DICER1: variants seen among roughly 807,000 people sequenced by gnomAD.
DICER1 encodes the protein endoribonuclease Dicer.
A neutral mutation model predicts 194.1 loss-of-function variants in DICER1; 43 were observed. That is an observed-to-expected ratio of 0.22 (90% CI 0.17 to 0.29). DICER1 has a LOEUF of 0.29. DICER1 is among the 10% of genes least tolerant of loss of function. The pLI is 1.00. For synonymous variants in DICER1, 832 were observed against 820.5 expected, an observed-to-expected ratio of 1.01 and a Z score of -0.24; for missense variants, 1,608 against 2,317.0, an observed-to-expected ratio of 0.69 and a Z score of 6.28.
At chr14:95,139,953 T>C (rs1894723175) in intron 1 of DICER1, among the ~76,000 whole-genome samples, 1 of 152,218 alleles carries the variant, frequency 6.6e-6, no homozygotes, top group Non-Finnish European at 1.5e-5. Flanking sequence ...CAACAGGTAA[T>C]CTGTAATATA....
chr14:95,120,669 G>A (rs28452618), intron 8 of DICER1, among the ~76,000 whole-genome samples: 4,226 of 152,256 alleles, frequency 0.028, 199 homozygotes, highest in African/African-American at 0.095. Flanking sequence ...GGCCACCGCT[G>A]CAACAATTTG....
intron 23 of DICER1, 193 bp downstream of exon 23, chr14:95,095,632 A>T: frequency 1.5e-6 from 1 of 667,968 alleles, no homozygotes; most frequent in South Asian, 1.7e-5. Context: ...CAACAACCAA[A>T]GTTATAAAGC....
Position 95,106,066 on chromosome 14 carries a change from G to A in DICER1, c.2962C>T (p.Leu988=), listed in dbSNP as rs1891391951. 6 of 1,614,086 alleles carry A rather than the reference G, an allele frequency of 3.7e-6. No homozygotes were observed. In the South Asian group the frequency reaches 5.5e-5, roughly 15 times the overall value. ...CTTGAAGATGTGTGGTCCACATCCA[G>A]CAGTGGCTGGTTGAGATTGGTTAGG... ...LDLTNLNQPL[L]DVDHTSSRLN... is the part of the protein sequence containing the mutation. The change falls in exon 18 of 27, where the codon CTG becomes TTG. Residue 988 remains leucine (L), a synonymous_variant. Transcript: ENST00000343455.
In DICER1 at chr14:95,130,161, T is replaced by C. The variant is rs1893833599; in HGVS notation, c.470A>G (p.Asn157Ser). ...VLIMTCYVAL[N>S]VLKNGYLSLS... ...TGATAAGTAACCATTTTTCAAAACATTCAAGGCGACATAGCAAGTCATAAT... is the reference window on the plus strand; with the variant it reads ...TGATAAGTAACCATTTTTCAAAACACTCAAGGCGACATAGCAAGTCATAAT... Residue 157 changes from asparagine (N) to serine (S), a missense_variant, in exon 5 of 27, where the codon AAT (asparagine) becomes AGT (serine). Around this residue, in one of 10 missense-constraint regions of DICER1, gnomAD observed 657 missense variants for 910.1 expected, o/e 0.72. Coordinates refer to ENST00000343455, the MANE Select transcript of DICER1 (RefSeq NM_177438.3). The C allele has an allele frequency of 6.2e-7, 1 of 1,613,270 alleles. No homozygotes were observed. The highest frequency in any genetic ancestry group is 8.5e-7 in the Non-Finnish European group (1 of 1,179,682).
Position 95,107,891 on chromosome 14 carries a change from G to A in DICER1, c.2639C>T (p.Pro880Leu), listed in dbSNP as rs1456764595. The change falls in exon 16 of 27, where the codon CCT (proline) becomes CTT (leucine). Residue 880 changes from proline to leucine, a missense_variant. Physicochemically the swap from Pro to Leu is moderately conservative, Grantham distance 98. Around this residue, in one of 10 missense-constraint regions of DICER1, gnomAD observed 150 missense variants for 216.0 expected, o/e 0.69. Coordinates refer to ENST00000343455, the MANE Select transcript of DICER1 (RefSeq NM_177438.3). ...GATTTTTTTCTTACCAACATTAAGA[G>A]GTAGAACACAGTATGCTGAATCAGC... ...TDADSAYCVL[P>L]LNVVNDSSTL... 1 of 1,613,710 alleles carries A rather than the reference G, an allele frequency of 6.2e-7. No homozygotes were observed. The highest frequency in any genetic ancestry group is 8.5e-7 in the Non-Finnish European group (1 of 1,179,664).
intron 24 of DICER1, 51 bp downstream of exon 24, chr14:95,093,835 CAG>C (rs530062648): frequency 2.4e-4 from 379 of 1,592,724 alleles, no homozygotes; most frequent in Middle Eastern, 5.0e-4. Flanking sequence ...TCTGAAACTA[CAG>C]AGACTCCTAG....
chr14:95,102,395 C>T (rs920597344), intron 21 of DICER1, among the ~76,000 whole-genome samples: 3 of 152,210 alleles, frequency 2.0e-5, no homozygotes, highest in African/African-American at 4.8e-5. Flanking sequence ...ATTCAAAACA[C>T]GTGCAAACTC....
In DICER1 at chr14:95,096,143, C is replaced by A. The variant is rs1060503644; in HGVS notation, c.4777G>T (p.Val1593Leu). The A allele has an allele frequency of 6.2e-7, 1 of 1,614,176 alleles. No homozygotes were observed. Among genetic ancestry groups the A allele is most frequent in the Admixed American group, 1.7e-5 (1 of 60,030 alleles). ...LCSLGLKVLP[V>L]IKRTDREKAL... ...TTTTCCCGATCAGTCCTTTTAATTA[C>A]CGGGAGCACCTTCAGCCCCAGTGAA... is the stretch of plus-strand genomic sequence containing the variant. The change falls in exon 23 of 27, where the codon GTA (valine) becomes TTA (leucine). Residue 1593 changes from valine (V) to leucine (L), a missense_variant. Val to Leu is a conservative substitution (Grantham distance 32). This residue lies in a region of DICER1 where 125 missense variants were observed against 134.9 expected (regional missense o/e 0.93). Transcript: ENST00000343455.
intron 6 of DICER1, among the ~76,000 whole-genome samples, chr14:95,127,761 C>T (rs1893601494): frequency 6.6e-6 from 1 of 152,234 alleles, no homozygotes; most frequent in South Asian, 2.1e-4. Flanking sequence ...AAGAAATGAC[C>T]ACAGGGGCTG....
At chr14:95,099,006 C>T (rs1890614410) in intron 22 of DICER1, among the ~76,000 whole-genome samples, 1 of 152,160 alleles carries the variant, frequency 6.6e-6, no homozygotes, top group African/African-American at 2.4e-5. Context: ...ACGGTATTAT[C>T]ATTGTTGGCC....
intron 1 of DICER1, chr14:95,134,643 T>C (rs1418976175): frequency 6.6e-6 from 1 of 152,206 alleles, no homozygotes. Flanking sequence ...TACAACACAA[T>C]ACTGAATTCT....
At chr14:95,148,562 T>G (rs1393678594) in intron 1 of DICER1, among the ~76,000 whole-genome samples, 1 of 152,254 alleles carries the variant, frequency 6.6e-6, no homozygotes, top group Non-Finnish European at 1.5e-5. Flanking sequence ...TCTGGGTTTC[T>G]CTAAATCTCT....
chr14:95,124,771 A>T lies in DICER1; in HGVS notation c.904-103T>A, dbSNP rs1046827279. 3 of 994,824 alleles carry T rather than the reference A, an allele frequency of 3.0e-6. No individual in the cohort carries two copies. The African/African-American group carries it at 4.9e-5, about 16-fold the overall frequency. 61.6% of individuals were successfully genotyped at this position (994,824 alleles called of 1,614,324 possible). On this transcript the variant is annotated intron_variant, in intron 7 of 26. Coordinates refer to ENST00000343455, the MANE Select transcript of DICER1 (RefSeq NM_177438.3). This position sits in a 1 kb window ranked among gnomAD's most constrained non-coding sequence, Gnocchi z 4.5. The stretch of plus-strand genomic sequence containing the variant: ...TTCAGTTGTTCTCAAATGGCTCCTT[A>T]AATGTAACCCAGCCTTAGGTTAAGT...
At position 95,096,112 on chromosome 14, in the gene DICER1, A is replaced by G. The variant is rs1464874776; in HGVS notation, c.4808T>C (p.Leu1603Pro). The G allele has an allele frequency of 1.2e-6, 2 of 1,614,248 alleles. No homozygotes were observed. Among genetic ancestry groups the G allele is most frequent in the East Asian group, 2.2e-5 (1 of 44,890 alleles). Residue 1603 changes from leucine to proline, a missense_variant, in exon 23 of 27, where the codon CTG becomes CCG. Coordinates refer to ENST00000343455, the MANE Select transcript of DICER1 (RefSeq NM_177438.3). ...VIKRTDREKA[L>P]CPTRENFNSQ... ...GTTGAAATTCTCCCGAGTAGGGCAC[A>G]GGGCCTTTTCCCGATCAGTCCTTTT... is the stretch of plus-strand genomic sequence containing the variant.
chr14:95,152,332 G>T (rs1385097414), intron 1 of DICER1, among the ~76,000 whole-genome samples: 1 of 152,202 alleles, frequency 6.6e-6, no homozygotes, highest in Non-Finnish European at 1.5e-5. Flanking sequence ...TCCAAAAGCA[G>T]AATAGTAATA....
intron 8 of DICER1, among the ~76,000 whole-genome samples, chr14:95,123,234 A>T (rs567275567): frequency 6.6e-6 from 1 of 152,360 alleles, no homozygotes. Context: ...ATTAGAAAAA[A>T]AATCTTTCAT....
intron 1 of DICER1, among the ~76,000 whole-genome samples, chr14:95,145,498 G>A (rs886655736): frequency 5.3e-5 from 8 of 151,746 alleles, no homozygotes; most frequent in Non-Finnish European, 1.2e-4. Flanking sequence ...GTTTCACAGA[G>A]AAACAAGAAA....
At chr14:95,137,458 A>C (rs1894484559) in intron 1 of DICER1, among the ~76,000 whole-genome samples, 2 of 137,804 alleles carry the variant, frequency 1.5e-5, no homozygotes, top group Admixed American at 1.4e-4. Context: ...AGGAAAGGGA[A>C]AGAAAAAGGG....
chr14:95,129,619 C>A lies in DICER1; in HGVS notation c.587G>T (p.Cys196Phe). The part of the protein sequence containing the change: ...YREIMKLCEN[C>F]PSCPRILGLT... ...TCCCAAAATGCGAGGACATGATGGACAATTTTCACAGAGCTAACATAATAA... is the reference window on the plus strand; with the variant it reads ...TCCCAAAATGCGAGGACATGATGGAAAATTTTCACAGAGCTAACATAATAA... Residue 196 changes from cysteine to phenylalanine, a missense_variant, in exon 6 of 27, where the codon TGT becomes TTT. By Grantham distance (205) the Cys-to-Phe change is radical. Around this residue, in one of 10 missense-constraint regions of DICER1, gnomAD observed 657 missense variants for 910.1 expected, o/e 0.72. Coordinates refer to ENST00000343455, the MANE Select transcript of DICER1 (RefSeq NM_177438.3). 6.2e-7 allele frequency: 1 copy of A among 1,611,854 alleles called. No homozygotes were observed. The highest frequency in any genetic ancestry group is 1.3e-5 in the African/African-American group (1 of 75,002).
Sources: gnomAD v4.1 joint callset for allele counts (sites outside exome capture counted in the v4.1 genomes callset) on GRCh38, gnomAD v4.1.1 for gene constraint, gnomAD v4.1.1 regional missense constraint, Gnocchi (gnomAD v3.1) non-coding constraint, MANE v1.5 for transcripts, NCBI Gene and HGNC (gene_info 2026-07-23, HGNC 2026-07-21) for gene names.